Variants in LARGE1 observed in about 807,000 individuals in gnomAD.
LARGE1 encodes xylosyl- and glucuronyltransferase LARGE1.
In LARGE1, 43 loss-of-function variants were observed where a neutral mutation model predicts 87.6. That is an observed-to-expected ratio of 0.49 (90% CI 0.38 to 0.63). The LOEUF (loss-of-function observed/expected upper bound fraction) is 0.63. Among genes scored for constraint, LARGE1 ranks in the 30% least tolerant of loss-of-function variants. LARGE1 has a pLI of 0.00. For synonymous variants in LARGE1, 434 were observed against 394.6 expected, an observed-to-expected ratio of 1.10 and a Z score of -1.18; for missense variants, 802 against 1,000.2, an observed-to-expected ratio of 0.80 and a Z score of 2.67.
intron 11 of LARGE1, among the ~76,000 whole-genome samples, chr22:33,314,926 T>A (rs2146290529): frequency 6.6e-6 from 1 of 152,188 alleles, no homozygotes; most frequent in South Asian, 2.1e-4. Context: ...ATATATAAAT[T>A]GGGATAGGTG....
At position 33,678,701 on chromosome 22, in the gene LARGE1, G is replaced by A. The variant is rs576430983; in HGVS notation, c.107-28033C>T. Among the ~76,000 whole-genome samples, 11 of 152,292 alleles carry A rather than the reference G, an allele frequency of 7.2e-5. No individual in the cohort carries two copies. The East Asian group carries it at 1.5e-3, about 21-fold the overall frequency. On this transcript the variant is annotated intron_variant, in intron 2 of 14. Transcript: ENST00000397394. ...ATTTCTTAATGACATTCAGAGATCC[G>A]AGGAGAGTGTGGGTAAGATGACACA...
intron 11 of LARGE1, among the ~76,000 whole-genome samples, chr22:33,257,278 A>G (rs1368345742): frequency 1.3e-5 from 2 of 152,150 alleles, no homozygotes; most frequent in African/African-American, 4.8e-5. Context: ...CATGCCTGTA[A>G]TCCCAGCACT....
chr22:33,613,575 C>T (rs1202029176), intron 4 of LARGE1, among the ~76,000 whole-genome samples: 1 of 152,212 alleles, frequency 6.6e-6, no homozygotes, highest in Non-Finnish European at 1.5e-5. Context: ...TCACCACAAC[C>T]TCCGCCTCCT....
intron 3 of LARGE1, among the ~76,000 whole-genome samples, chr22:33,646,006 G>A (rs780021297): frequency 2.9e-4 from 44 of 152,288 alleles, no homozygotes; most frequent in Non-Finnish European, 5.4e-4. Flanking sequence ...ATGTAAATAA[G>A]TTCAATCATT....
At position 33,626,235 on chromosome 22, in the gene LARGE1, T is replaced by C. The variant is rs200043566; in HGVS notation, c.491+9A>G. 1.4e-5 allele frequency: 23 copies of C among 1,613,088 alleles called. No homozygotes were observed. The East Asian group carries it at 5.1e-4, about 36-fold the overall frequency. On this transcript the variant is annotated intron_variant, in intron 4 of 14. Transcript: ENST00000397394. ...ACCTCAGCCCACACAGCACAGAAGT[T>C]GTTCTTACCTATGGAACAGGACGGA...
intron 6 of LARGE1, among the ~76,000 whole-genome samples, chr22:33,541,835 G>T (rs1173523445): frequency 2.0e-5 from 3 of 151,584 alleles, no homozygotes; most frequent in Non-Finnish European, 4.4e-5. Flanking sequence ...ATTTGGGGTT[G>T]AGCCCCTACT....
At chr22:33,786,945 C>T (rs1025507411) in intron 1 of LARGE1, among the ~76,000 whole-genome samples, 8 of 149,936 alleles carry the variant, frequency 5.3e-5, no homozygotes, top group Non-Finnish European at 8.8e-5. Flanking sequence ...CACTGGAACC[C>T]GGGAAGCAGA....
intron 4 of LARGE1, among the ~76,000 whole-genome samples, chr22:33,617,352 A>C (rs1424734038): frequency 6.6e-6 from 1 of 152,218 alleles, no homozygotes; most frequent in East Asian, 1.9e-4. Context: ...CAAATTCCAA[A>C]ATCAGCCAAA....
the LARGE1 span, among the ~76,000 whole-genome samples, chr22:33,101,830 A>C: frequency 1.3e-5 from 2 of 152,320 alleles, no homozygotes; most frequent in African/African-American, 4.8e-5. Flanking sequence ...ACATTCAAGG[A>C]AAGACAGCAA....
rs117482747 is a variant in LARGE1, at chr22:33,432,977, T to C, written c.788-712A>G. On this transcript the variant is annotated intron_variant, in intron 6 of 14. Coordinates refer to ENST00000397394, the MANE Select transcript of LARGE1 (RefSeq NM_133642.5). ...CGTTGATGTTGGCCTCAGTCTCTGC[T>C]GCATCTTAGCAACTTAGGCAAGTTA... is the stretch of plus-strand genomic sequence containing the variant. Among the ~76,000 whole-genome samples the C allele has an allele frequency of 1.1e-4, 17 of 152,374 alleles. No individual in the cohort carries two copies. In the East Asian group the frequency reaches 3.3e-3, roughly 29 times the overall value.
At chr22:33,719,872 T>G (rs1302595847) in intron 2 of LARGE1, among the ~76,000 whole-genome samples, 1 of 152,150 alleles carries the variant, frequency 6.6e-6, no homozygotes, top group Non-Finnish European at 1.5e-5. Context: ...ACACAAATGC[T>G]TACCATTGTG....
the LARGE1 span, among the ~76,000 whole-genome samples, chr22:33,122,079 A>T: frequency 6.6e-6 from 1 of 152,160 alleles, no homozygotes; most frequent in African/African-American, 2.4e-5. Flanking sequence ...TTTCCCAGAA[A>T]ATTAAGGATC....
chr22:33,752,803 A>G (rs1156562396), intron 2 of LARGE1, among the ~76,000 whole-genome samples: 1 of 152,238 alleles, frequency 6.6e-6, no homozygotes, highest in Non-Finnish European at 1.5e-5. Flanking sequence ...AGATGTCCAC[A>G]TCCTAATCCC....
chr22:33,597,764 G>A (rs140365449), intron 5 of LARGE1, among the ~76,000 whole-genome samples: 2,153 of 152,252 alleles, frequency 0.014, 23 homozygotes, highest in Middle Eastern at 0.048. Flanking sequence ...GGGATCACGC[G>A]CACCCCAGTG....
rs11544101 is a variant in LARGE1 at position 33,273,226 on chromosome 22, T to C, written c.*1201A>G. 3.8e-3 allele frequency: 1,519 copies of C among 397,048 alleles called. 31 individuals are homozygous for C. Among genetic ancestry groups the C allele is most frequent in the African/African-American group, 0.027 (1,333 of 48,694 alleles). The allele number at this position is 397,048 out of a possible 1,614,324, so 24.6% of individuals were successfully genotyped here. A position where few individuals can be genotyped will look rare whatever the true frequency, so the allele number is the denominator to read the frequency against. On this transcript the variant is annotated 3_prime_UTR_variant, in exon 15 of 15. Transcript: ENST00000397394. ...TATTAATATTGAAGATTAAAGAAAA[T>C]GGGTAAAAAGTCCAGTGTCTCCTCA...
chr22:33,756,475 G>C (rs2084517078), intron 2 of LARGE1, among the ~76,000 whole-genome samples: 1 of 152,182 alleles, frequency 6.6e-6, no homozygotes, highest in South Asian at 2.1e-4. Context: ...TTAAGGGTCA[G>C]GAGCAATTAA....
chr22:33,670,081 C>G (rs1295037105), intron 2 of LARGE1, among the ~76,000 whole-genome samples: 1 of 152,112 alleles, frequency 6.6e-6, no homozygotes, highest in Non-Finnish European at 1.5e-5. Flanking sequence ...GAGCCCTGTA[C>G]TTGTCAACCT....
At chr22:33,466,278 G>A (rs1275098200) in intron 6 of LARGE1, among the ~76,000 whole-genome samples, 2 of 152,038 alleles carry the variant, frequency 1.3e-5, no homozygotes, top group South Asian at 2.1e-4. Context: ...TCTCTCCGAA[G>A]TAGCTTTCCC....
intron 6 of LARGE1, among the ~76,000 whole-genome samples, chr22:33,558,614 T>C (rs976319491): frequency 7.9e-5 from 12 of 152,126 alleles, no homozygotes; most frequent in African/African-American, 2.9e-4. Context: ...CTTGGTCTCT[T>C]TTTTGCTAAG....
Sources: allele counts gnomAD v4.1 joint callset (sites outside exome capture counted in the v4.1 genomes callset), GRCh38; gene constraint gnomAD v4.1.1; transcripts MANE v1.5; gene names NCBI Gene and HGNC (gene_info 2026-07-23, HGNC 2026-07-21).